UBXN8: variants seen among roughly 807,000 people sequenced by gnomAD.
The protein encoded by UBXN8 is UBX domain-containing protein 8.
A neutral mutation model predicts 32.1 loss-of-function variants in UBXN8; 27 were observed. The observed-to-expected ratio is 0.84, with a 90% CI of 0.62 to 1.16. The LOEUF is 1.16. Ranked by LOEUF, UBXN8 falls within the 50% of genes most tolerant of loss-of-function variation. The pLI, the probability that UBXN8 is intolerant of heterozygous loss-of-function variation, is 0.00. For missense variants in UBXN8, 306 were observed against 311.4 expected (o/e 0.98, Z 0.13); for synonymous variants, 109 against 111.8 (o/e 0.98, Z 0.16).
chr8:30,747,265 G>A lies in UBXN8; in HGVS notation c.88+2988G>A, dbSNP rs2128753360. On this transcript the variant is annotated intron_variant, in intron 1 of 7. Transcript: ENST00000265616. ...ATGTTTGCAAATTGCTTGTTAGAAC[G>A]AACAGCAGTAGTATGGAACATAAAT... Among the ~76,000 whole-genome samples the A allele has an allele frequency of 1.5e-5, 2 of 136,704 alleles. 1 individual carries two copies. Among genetic ancestry groups the A allele is most frequent in the South Asian group, 5.2e-4 (2 of 3,838 alleles). The allele number at this position is 136,704 out of a possible 152,430, so 89.7% of individuals were successfully genotyped here. A position where few individuals can be genotyped will look rare whatever the true frequency, so the allele number is the denominator to read the frequency against.
upstream of UBXN8, chr8:30,732,579 C>T (rs771164920): frequency 2.2e-5 from 6 of 273,052 alleles, no homozygotes; most frequent in Non-Finnish European, 3.4e-5. Flanking sequence ...GACCGGGAAC[C>T]TTTTGAATGG....
upstream of UBXN8, among the ~76,000 whole-genome samples, chr8:30,730,997 G>C (rs1275388092): frequency 1.3e-5 from 2 of 152,226 alleles, no homozygotes; most frequent in East Asian, 3.8e-4. Flanking sequence ...GCAATTAGAG[G>C]GATCTCCCAC....
chr8:30,754,787 G>A lies in UBXN8; in HGVS notation c.405G>A (p.Gly135=). ...AATTAAGCAGTGGTCACAAACTTGG[G>A]GTTGGAAAATATTCTCATTTTATAT... is the stretch of plus-strand genomic sequence containing the variant. ...AWKLSSGHKL[G]GDEGTSQTSF... The change falls in exon 4 of 8, where the codon GGG becomes GGA. Residue 135 remains glycine, a splice_region_variant and synonymous_variant. Transcript: ENST00000265616. 6.4e-7 allele frequency: 1 copy of A among 1,551,256 alleles called. No individual in the cohort carries two copies. The highest frequency in any genetic ancestry group is 8.6e-7 in the Non-Finnish European group (1 of 1,160,394).
chr8:30,755,104 T>C (rs1185961446), intron 4 of UBXN8, among the ~76,000 whole-genome samples: 1 of 151,596 alleles, frequency 6.6e-6, no homozygotes, highest in African/African-American at 2.4e-5. Flanking sequence ...TACAGGCGCC[T>C]GCCACCATGC....
intron 1 of UBXN8, among the ~76,000 whole-genome samples, chr8:30,738,112 A>G (rs1239844103): frequency 1.4e-5 from 2 of 144,996 alleles, no homozygotes; most frequent in East Asian, 4.2e-4. Context: ...AAAAAAAAAA[A>G]TAGGAGAATC....
chr8:30,755,690 A>G (rs921362219), intron 4 of UBXN8, among the ~76,000 whole-genome samples: 1 of 146,614 alleles, frequency 6.8e-6, no homozygotes, highest in Non-Finnish European at 1.5e-5. Context: ...CAGGAGGTCA[A>G]GAGGCTGCAG....
chr8:30,738,417 C>T (rs1470572808), intron 1 of UBXN8, among the ~76,000 whole-genome samples: 4 of 151,068 alleles, frequency 2.6e-5, no homozygotes, highest in Admixed American at 6.6e-5. Flanking sequence ...TCCCAGCACT[C>T]GGGAGGCCGA....
intron 5 of UBXN8, among the ~76,000 whole-genome samples, chr8:30,757,268 A>G (rs1805688033): frequency 6.6e-6 from 1 of 151,990 alleles, no homozygotes. Flanking sequence ...CTCAATTCTT[A>G]GCCAGGCACT....
intron 7 of UBXN8, among the ~76,000 whole-genome samples, chr8:30,764,077 C>T (rs1486796727): frequency 1.3e-5 from 2 of 152,176 alleles, no homozygotes; most frequent in Admixed American, 1.3e-4. Flanking sequence ...AAAATTTGAT[C>T]TGTAGTCTCA....
chr8:30,736,725 G>C (rs1189836089), intron 1 of UBXN8, among the ~76,000 whole-genome samples: 1 of 152,150 alleles, frequency 6.6e-6, no homozygotes, highest in Non-Finnish European at 1.5e-5. Context: ...CACTCGCCTT[G>C]GCCTCTCAAA....
At chr8:30,760,433 A>AT (rs1298431012) in intron 5 of UBXN8, among the ~76,000 whole-genome samples, 13 of 39,606 alleles carry the variant, frequency 3.3e-4, no homozygotes, top group African/African-American at 1.7e-3. Flanking sequence ...ATATATATAT[A>AT]TATATATATA....
rs183940703 is a variant in UBXN8 at position 30,762,758 on chromosome 8, T to C, written c.571-515T>C. Among the ~76,000 whole-genome samples, 388 of 152,298 alleles carry C rather than the reference T, an allele frequency of 2.5e-3. 2 individuals carry two copies. Among genetic ancestry groups the C allele is most frequent in the African/African-American group, 8.9e-3 (370 of 41,572 alleles). On this transcript the variant is annotated intron_variant, in intron 6 of 7. Transcript: ENST00000265616. ...GGGGTGCTGCTCTAAAACCACCACT[T>C]ATGCCTAATATGATACCCACATAAC...
chr8:30,747,887 A>ATATT (rs1805405710), intron 1 of UBXN8, among the ~76,000 whole-genome samples: 2 of 40,744 alleles, frequency 4.9e-5, no homozygotes, highest in East Asian at 5.1e-4. Context: ...TTTAATATAT[A>ATATT]TTTTTTCTTT....
At position 30,746,813 on chromosome 8, in the gene UBXN8, C is replaced by G. The variant is rs535336872; in HGVS notation, c.88+2536C>G. On this transcript the variant is annotated intron_variant, in intron 1 of 7. Transcript: ENST00000265616. ...TGCTGGGATTACAGGCGTGAGCCAC[C>G]GCGCCCTGACTAAGCTAAATATTTT... Among the ~76,000 whole-genome samples, 15 of 139,538 alleles carry G rather than the reference C, an allele frequency of 1.1e-4. 1 individual carries two copies. The allele number at this position is 139,538 out of a possible 152,430, so 91.5% of individuals were successfully genotyped here.
intron 1 of UBXN8, among the ~76,000 whole-genome samples, chr8:30,737,968 A>C (rs1805104093): frequency 6.6e-6 from 1 of 152,184 alleles, no homozygotes; most frequent in South Asian, 2.1e-4. Flanking sequence ...TTTTAGAAGA[A>C]AATATAGAGG....
chr8:30,737,834 T>C (rs992709599), intron 1 of UBXN8, among the ~76,000 whole-genome samples: 4 of 152,058 alleles, frequency 2.6e-5, no homozygotes, highest in African/African-American at 7.2e-5. Flanking sequence ...GGCAACACGA[T>C]TGGACCCTGT....
chr8:30,758,118 A>G (rs1466118361), intron 5 of UBXN8, among the ~76,000 whole-genome samples: 1 of 152,020 alleles, frequency 6.6e-6, no homozygotes, highest in Non-Finnish European at 1.5e-5. Flanking sequence ...GGATGGTCTC[A>G]ATCTCCTGAC....
At chr8:30,759,144 C>G (rs752070712) in intron 5 of UBXN8, among the ~76,000 whole-genome samples, 1 of 151,972 alleles carries the variant, frequency 6.6e-6, no homozygotes, top group Non-Finnish European at 1.5e-5. Context: ...CTGCCCTCCT[C>G]GGCCTCCCAA....
rs908389324 is a variant in UBXN8, at chr8:30,752,984, C to T, written c.212-51C>T. On this transcript the variant is annotated intron_variant, in intron 2 of 7. Coordinates refer to ENST00000265616, the MANE Select transcript of UBXN8 (RefSeq NM_005671.4). The stretch of plus-strand genomic sequence containing the variant: ...ATACATTATTTGATTGGTTGTACTT[C>T]AAATAAGATACTTGGGAAGTAAAAA... 6.3e-5 allele frequency: 92 copies of T among 1,458,090 alleles called. No homozygotes were observed. The African/African-American group carries it at 1.2e-3, about 20-fold the overall frequency. 90.3% of individuals were successfully genotyped at this position (1,458,090 alleles called of 1,614,324 possible).
Sources: allele counts gnomAD v4.1 joint callset (sites outside exome capture counted in the v4.1 genomes callset), GRCh38; gene constraint gnomAD v4.1.1; transcripts MANE v1.5; gene names NCBI Gene and HGNC (gene_info 2026-07-23, HGNC 2026-07-21).